The following WWOX variants were observed in gnomAD, a reference collection of about 807,000 sequenced individuals.
The protein encoded by WWOX is WW domain-containing oxidoreductase.
In WWOX, 69 loss-of-function variants were observed where a neutral mutation model predicts 46.2. That is an observed-to-expected ratio of 1.49 (90% CI 1.23 to 1.82). The LOEUF is 1.82. WWOX is among the 40% of genes most tolerant of loss of function. The probability of loss-of-function intolerance (pLI) is 0.00; values close to 1 mark genes in which losing one functional copy is unlikely to be tolerated. For synonymous variants in WWOX, 359 were observed against 202.6 expected, an observed-to-expected ratio of 1.77 and a Z score of -6.56; for missense variants, 919 against 542.6, an observed-to-expected ratio of 1.69 and a Z score of -6.89.
intron 8 of WWOX, among the ~76,000 whole-genome samples, chr16:78,795,841 T>A (rs908994529): frequency 6.6e-6 from 1 of 152,112 alleles, no homozygotes; most frequent in African/African-American, 2.4e-5. Context: ...GTGGCTAGCG[T>A]ATAGTGAGTA....
At chr16:78,109,438 G>T (rs1246536720) in intron 2 of WWOX, among the ~76,000 whole-genome samples, 1 of 152,200 alleles carries the variant, frequency 6.6e-6, no homozygotes, top group Non-Finnish European at 1.5e-5. Context: ...GTCAGCGTAT[G>T]AATGACGTTG....
In WWOX at chr16:78,443,688, A is replaced by G. The variant is rs555566290; in HGVS notation, c.1056+10936A>G. On this transcript the variant is annotated intron_variant, in intron 8 of 8. Transcript: ENST00000566780. ...AATGAACATTTAACCAAGATTTGCA[A>G]TTCCCCTAGTTTTATCTTCCCGGTT... is the stretch of plus-strand genomic sequence containing the variant. Among the ~76,000 whole-genome samples, 24 of 152,252 alleles carry G rather than the reference A, an allele frequency of 1.6e-4. 2 individuals are homozygous for G. The highest frequency in any genetic ancestry group is 1.2e-3 in the Admixed American group (19 of 15,296).
At chr16:78,330,866 T>C (rs1472341697) in intron 5 of WWOX, among the ~76,000 whole-genome samples, 2 of 152,266 alleles carry the variant, frequency 1.3e-5, no homozygotes, top group Admixed American at 1.3e-4. Flanking sequence ...AATTAGATTT[T>C]TGTAAGCTGA....
intron 8 of WWOX, among the ~76,000 whole-genome samples, chr16:78,886,692 A>T (rs1266302172): frequency 6.6e-6 from 1 of 150,576 alleles, no homozygotes; most frequent in African/African-American, 2.4e-5. Flanking sequence ...AATAAATGTA[A>T]ATGAAAAGAA....
intron 8 of WWOX, among the ~76,000 whole-genome samples, chr16:78,486,168 T>C (rs542549172): frequency 2.0e-5 from 3 of 152,296 alleles, no homozygotes; most frequent in African/African-American, 7.2e-5. Context: ...ACAAACCCTG[T>C]TTTGTAGTAT....
At chr16:78,219,127 C>T (rs2036811664) in intron 5 of WWOX, among the ~76,000 whole-genome samples, 1 of 151,860 alleles carries the variant, frequency 6.6e-6, no homozygotes, top group Non-Finnish European at 1.5e-5. Context: ...TTCCCTCCTA[C>T]ATGATAGAGA....
At position 79,211,859 on chromosome 16, in the gene WWOX, A is replaced by G. The variant is rs1391725937; in HGVS notation, c.*63A>G. The stretch of plus-strand genomic sequence containing the variant: ...GTGTGTGTCCCCTCACGCAAGTGCC[A>G]GGGCTGGGCCCCTTCCAAATGTCCC... On this transcript the variant is annotated 3_prime_UTR_variant, in exon 9 of 9. Transcript: ENST00000566780. The G allele has an allele frequency of 1.2e-6, 2 of 1,603,902 alleles. No individual in the cohort carries two copies. Among genetic ancestry groups the G allele is most frequent in the African/African-American group, 1.3e-5 (1 of 74,906 alleles).
intron 8 of WWOX, among the ~76,000 whole-genome samples, chr16:79,070,557 A>T (rs537591400): frequency 6.6e-6 from 1 of 152,266 alleles, no homozygotes; most frequent in East Asian, 1.9e-4. Flanking sequence ...GCTCCTTGGC[A>T]ATGAGTGAGG....
Position 78,099,776 on chromosome 16 carries a change from G to C in WWOX, c.-3G>C, listed in dbSNP as rs962511241. ...GGGGGGCCAGGTGCCTCCACAGTCA[G>C]CCATGGCAGCGCTGCGCTACGCGGG... On this transcript the variant is annotated 5_prime_UTR_variant, in exon 1 of 9. Transcript: ENST00000566780. The C allele has an allele frequency of 2.6e-6, 4 of 1,547,380 alleles. No individual in the cohort carries two copies. The African/African-American group carries it at 5.5e-5, about 21-fold the overall frequency.
At chr16:79,135,369 A>G (rs1271865401) in intron 8 of WWOX, among the ~76,000 whole-genome samples, 5 of 152,014 alleles carry the variant, frequency 3.3e-5, no homozygotes, top group African/African-American at 1.2e-4. Context: ...ATTTCTGTAT[A>G]TTTAGTTAAT....
intron 8 of WWOX, among the ~76,000 whole-genome samples, chr16:79,150,663 C>G (rs568306837): frequency 5.9e-5 from 9 of 152,196 alleles, no homozygotes; most frequent in Non-Finnish European, 4.4e-5. Context: ...TAAATCATCC[C>G]TTTTTCTTGA....
chr16:78,229,873 C>T (rs927672827), intron 5 of WWOX, among the ~76,000 whole-genome samples: 1 of 151,908 alleles, frequency 6.6e-6, no homozygotes, highest in African/African-American at 2.4e-5. Flanking sequence ...GTGTATAGTT[C>T]AACATCTTTC....
chr16:78,833,882 A>G (rs2151161060), intron 8 of WWOX, among the ~76,000 whole-genome samples: 1 of 152,378 alleles, frequency 6.6e-6, no homozygotes, highest in East Asian at 1.9e-4. Flanking sequence ...CTATGGTACC[A>G]TACAGGCACT....
chr16:78,258,398 A>G (rs1448927760), intron 5 of WWOX, among the ~76,000 whole-genome samples: 1 of 152,178 alleles, frequency 6.6e-6, no homozygotes, highest in Non-Finnish European at 1.5e-5. Context: ...GTATTAACAT[A>G]TTGCATTGGT....
intron 8 of WWOX, chr16:78,896,203 C>T (rs573536141): frequency 6.6e-6 from 1 of 151,096 alleles, no homozygotes; most frequent in African/African-American, 2.4e-5. Context: ...TAATTATATC[C>T]GGAATGCACT....
intron 8 of WWOX, among the ~76,000 whole-genome samples, chr16:78,822,313 A>G (rs1055599276): frequency 6.6e-6 from 1 of 152,076 alleles, no homozygotes; most frequent in East Asian, 1.9e-4. Flanking sequence ...GGCTGACATG[A>G]CGAAACGCCA....
intron 8 of WWOX, among the ~76,000 whole-genome samples, chr16:79,007,501 T>A (rs779147315): frequency 1.2e-4 from 19 of 152,144 alleles, no homozygotes; most frequent in Non-Finnish European, 1.9e-4. Flanking sequence ...GGGAGAAAGA[T>A]GATGAAGGCC....
At chr16:78,907,129 T>C (rs1422696926) in intron 8 of WWOX, among the ~76,000 whole-genome samples, 3 of 152,104 alleles carry the variant, frequency 2.0e-5, no homozygotes, top group South Asian at 4.1e-4. Context: ...ACTGGGGTTT[T>C]TTTAAGGATA....
At chr16:79,069,261 A>G (rs2048503153) in intron 8 of WWOX, among the ~76,000 whole-genome samples, 1 of 152,220 alleles carries the variant, frequency 6.6e-6, no homozygotes, top group Non-Finnish European at 1.5e-5. Context: ...AATGCTGTTT[A>G]GAGTTGCCAG....
Sources: allele counts gnomAD v4.1 joint callset (sites outside exome capture counted in the v4.1 genomes callset), GRCh38; gene constraint gnomAD v4.1.1; transcripts MANE v1.5; gene names NCBI Gene and HGNC (gene_info 2026-07-23, HGNC 2026-07-21).